SMARCC1: variants seen among roughly 807,000 people sequenced by gnomAD.
SMARCC1 encodes SWI/SNF related BAF chromatin remodeling complex subunit C1.
In SMARCC1, 43 loss-of-function variants were observed where a neutral mutation model predicts 147.4. The ratio of observed to expected loss-of-function variants is 0.29; its 90% CI spans 0.23 to 0.38. SMARCC1 has a LOEUF of 0.38. Ranked by LOEUF, SMARCC1 falls within the 10% of genes least tolerant of loss-of-function variation. The pLI is 1.00. For missense variants in SMARCC1, 1,119 were observed against 1,381.1 expected (o/e 0.81, Z 3.01); for synonymous variants, 495 against 484.4 (o/e 1.02, Z -0.29).
rs368515459 is a variant in SMARCC1, at chr3:47,587,231, CTTTT to C, written c.*974_*977del. On this transcript the variant is annotated 3_prime_UTR_variant, in exon 28 of 28. Coordinates refer to ENST00000254480, the MANE Select transcript of SMARCC1 (RefSeq NM_003074.4). ...GAGCTAAAATATTTAGCACTATCTA[CTTTT>C]TTTTTTCTTTTAAAGGGTTTTTTAA... 6.7e-6 allele frequency: 1 copy of C among 150,020 alleles called. No individual in the cohort carries two copies. Among genetic ancestry groups the C allele is most frequent in the Non-Finnish European group, 1.5e-5 (1 of 67,200 alleles). 9.3% of individuals were successfully genotyped at this position (150,020 alleles called of 1,614,324 possible).
chr3:47,691,563 A>C (rs2033789264), intron 12 of SMARCC1, among the ~76,000 whole-genome samples: 1 of 152,130 alleles, frequency 6.6e-6, no homozygotes, highest in Non-Finnish European at 1.5e-5. Context: ...GCAGTGAGCC[A>C]AGATCACACT....
intron 2 of SMARCC1, among the ~76,000 whole-genome samples, chr3:47,756,695 C>G (rs146553974): frequency 9.4e-4 from 143 of 152,212 alleles, no homozygotes; most frequent in African/African-American, 3.3e-3. Context: ...TTTACTGAAG[C>G]AAATTCACAT....
At chr3:47,740,862 A>G (rs868412923) in intron 3 of SMARCC1, among the ~76,000 whole-genome samples, 2 of 151,668 alleles carry the variant, frequency 1.3e-5, no homozygotes, top group African/African-American at 4.8e-5. Flanking sequence ...AAAAAAAAAA[A>G]AAAAAAACAA....
intron 21 of SMARCC1, among the ~76,000 whole-genome samples, chr3:47,660,514 T>G (rs374141281): frequency 6.6e-6 from 1 of 150,462 alleles, no homozygotes; most frequent in South Asian, 2.1e-4. Context: ...TAAATATAAT[T>G]GGGTATATCC....
chr3:47,656,332 TA>T (rs2033261338), intron 21 of SMARCC1, among the ~76,000 whole-genome samples: 1 of 152,206 alleles, frequency 6.6e-6, no homozygotes, highest in Admixed American at 6.5e-5. Flanking sequence ...ATTAAGTCCT[TA>T]ATAGCAAAAA....
chr3:47,767,045 T>C (rs1370925727), intron 2 of SMARCC1, among the ~76,000 whole-genome samples: 1 of 151,676 alleles, frequency 6.6e-6, no homozygotes, highest in African/African-American at 2.4e-5. Flanking sequence ...TAGCCGGGCG[T>C]GGTGGCGGGC....
At chr3:47,691,985 C>T (rs899409535) in intron 12 of SMARCC1, among the ~76,000 whole-genome samples, 7 of 151,992 alleles carry the variant, frequency 4.6e-5, no homozygotes, top group African/African-American at 1.5e-4. Context: ...GGTAACAGAC[C>T]GAGGCTCCGT....
intron 2 of SMARCC1, among the ~76,000 whole-genome samples, chr3:47,756,582 A>C (rs1477481294): frequency 2.0e-5 from 3 of 152,084 alleles, no homozygotes; most frequent in Non-Finnish European, 2.9e-5. Flanking sequence ...AGAACACAAA[A>C]AGTATTAACA....
At chr3:47,735,050 C>T (rs1576426149) in intron 5 of SMARCC1, among the ~76,000 whole-genome samples, 1 of 152,018 alleles carries the variant, frequency 6.6e-6, no homozygotes. Flanking sequence ...CCACCACGCC[C>T]GGCCTTCAAT....
At chr3:47,637,668 C>T (rs1232923417) in intron 22 of SMARCC1, among the ~76,000 whole-genome samples, 3 of 151,488 alleles carry the variant, frequency 2.0e-5, no homozygotes, top group East Asian at 1.9e-4. Flanking sequence ...GCCAAGATTG[C>T]GTTGCTGCAT....
chr3:47,727,084 A>C (rs1461262680), intron 6 of SMARCC1, among the ~76,000 whole-genome samples: 5 of 151,660 alleles, frequency 3.3e-5, no homozygotes, highest in African/African-American at 1.2e-4. Context: ...GTGGTGGTGC[A>C]CTCCTGTAGT....
chr3:47,634,707 C>T (rs770315166), intron 24 of SMARCC1, among the ~76,000 whole-genome samples: 13 of 152,096 alleles, frequency 8.5e-5, no homozygotes, highest in Admixed American at 2.0e-4. Flanking sequence ...AAAAAACCAC[C>T]CCCAGAAAAG....
intron 13 of SMARCC1, among the ~76,000 whole-genome samples, chr3:47,688,402 G>A (rs1049798445): frequency 1.3e-5 from 2 of 150,600 alleles, no homozygotes; most frequent in African/African-American, 2.4e-5. Context: ...TCATGCATAT[G>A]TTCATCCTTG....
At chr3:47,654,011 C>T (rs987699520) in intron 21 of SMARCC1, among the ~76,000 whole-genome samples, 3 of 152,200 alleles carry the variant, frequency 2.0e-5, no homozygotes, top group Non-Finnish European at 2.9e-5. Flanking sequence ...TTGCTAGATA[C>T]TTCAGTCTTG....
At chr3:47,618,393 A>T (rs1199427387) in intron 25 of SMARCC1, among the ~76,000 whole-genome samples, 2 of 151,470 alleles carry the variant, frequency 1.3e-5, no homozygotes, top group African/African-American at 4.9e-5. Flanking sequence ...AAAAAAAAAA[A>T]AAATTAGCTG....
At chr3:47,769,418 G>C (rs888869393) in intron 2 of SMARCC1, among the ~76,000 whole-genome samples, 1 of 151,674 alleles carries the variant, frequency 6.6e-6, no homozygotes. Flanking sequence ...TAGTAGAGAC[G>C]GGGTTTCACC....
At chr3:47,770,125 G>A (rs1474070224) in intron 2 of SMARCC1, among the ~76,000 whole-genome samples, 1 of 152,060 alleles carries the variant, frequency 6.6e-6, no homozygotes, top group East Asian at 1.9e-4. Context: ...CTACTCGGGA[G>A]GCTGAGGCAG....
At chr3:47,728,710 C>A (rs944299067) in intron 6 of SMARCC1, among the ~76,000 whole-genome samples, 1 of 152,060 alleles carries the variant, frequency 6.6e-6, no homozygotes. Context: ...ATTGAAACCA[C>A]CATCCTGGCC....
At chr3:47,688,215 A>T (rs1381175129) in intron 13 of SMARCC1, among the ~76,000 whole-genome samples, 1 of 152,100 alleles carries the variant, frequency 6.6e-6, no homozygotes, top group African/African-American at 2.4e-5. Flanking sequence ...AGCCTAGATC[A>T]TGCCATTGCA....
Sources: gnomAD v4.1 joint callset for allele counts (sites outside exome capture counted in the v4.1 genomes callset) on GRCh38, gnomAD v4.1.1 for gene constraint, MANE v1.5 for transcripts, NCBI Gene and HGNC (gene_info 2026-07-23, HGNC 2026-07-21) for gene names.